The following STXBP5L variants were observed in gnomAD, a reference collection of about 807,000 sequenced individuals.
STXBP5L encodes syntaxin-binding protein 5-like.
STXBP5L carries 65 observed loss-of-function variants against 144.5 expected under a neutral mutation model. The ratio of observed to expected loss-of-function variants is 0.45; its 90% CI spans 0.37 to 0.55. The LOEUF is 0.55. Among genes scored for constraint, STXBP5L ranks in the 20% least tolerant of loss-of-function variants. The pLI is 0.00. For synonymous variants in STXBP5L, 505 were observed against 469.6 expected, an observed-to-expected ratio of 1.08 and a Z score of -0.97; for missense variants, 1,298 against 1,405.5, an observed-to-expected ratio of 0.92 and a Z score of 1.22.
At chr3:120,957,422 G>A (rs1288314495) in intron 3 of STXBP5L, among the ~76,000 whole-genome samples, 2 of 151,870 alleles carry the variant, frequency 1.3e-5, no homozygotes, top group Admixed American at 6.6e-5. Flanking sequence ...TAAAAAATAT[G>A]TTGTCTTGTT....
At chr3:121,075,545 A>G (rs777778115) in intron 5 of STXBP5L, among the ~76,000 whole-genome samples, 4 of 152,170 alleles carry the variant, frequency 2.6e-5, no homozygotes, top group Admixed American at 6.5e-5. Context: ...CTTTAGCTTT[A>G]TGTCTTCTTG....
chr3:121,054,437 G>C (rs1948291503), intron 5 of STXBP5L, among the ~76,000 whole-genome samples: 1 of 152,062 alleles, frequency 6.6e-6, no homozygotes. Flanking sequence ...CATGTCCTTT[G>C]TAGGGACATG....
At chr3:120,951,712 G>A (rs563889978) in intron 2 of STXBP5L, among the ~76,000 whole-genome samples, 19,733 of 151,752 alleles carry the variant, frequency 0.13, 1,606 homozygotes, top group Non-Finnish European at 0.19. Flanking sequence ...TGTTGGGACT[G>A]TAAACTAGTT....
At chr3:121,363,894 T>G (rs1576291237) in intron 20 of STXBP5L, among the ~76,000 whole-genome samples, 1 of 152,146 alleles carries the variant, frequency 6.6e-6, no homozygotes, top group Non-Finnish European at 1.5e-5. Context: ...ATTTTGTTAT[T>G]GTTGAGTTTT....
chr3:121,340,185 G>A (rs140224136), intron 20 of STXBP5L, among the ~76,000 whole-genome samples: 49 of 152,182 alleles, frequency 3.2e-4, no homozygotes, highest in African/African-American at 9.6e-4. Context: ...AGAACAAGAT[G>A]TTACTGGTAT....
chr3:121,385,622 A>G (rs2046409957), intron 22 of STXBP5L, among the ~76,000 whole-genome samples: 1 of 152,152 alleles, frequency 6.6e-6, no homozygotes, highest in Admixed American at 6.5e-5. Context: ...AATGTAATTA[A>G]TAGCCATCAT....
intron 20 of STXBP5L, among the ~76,000 whole-genome samples, chr3:121,367,592 CTT>C (rs1341764867): frequency 1.7e-5 from 1 of 59,138 alleles, no homozygotes; most frequent in African/African-American, 6.4e-5. Flanking sequence ...GTCTTCGACT[CTT>C]GTTTTTTTTT....
chr3:121,235,626 A>T (rs1174590926), intron 12 of STXBP5L, among the ~76,000 whole-genome samples: 3 of 152,130 alleles, frequency 2.0e-5, no homozygotes, highest in Admixed American at 6.6e-5. Context: ...TCTTAGAAAT[A>T]TTAATAATTT....
chr3:121,091,910 T>A (rs1382457964), intron 5 of STXBP5L, among the ~76,000 whole-genome samples: 1 of 152,154 alleles, frequency 6.6e-6, no homozygotes, highest in East Asian at 1.9e-4. Flanking sequence ...TGGTTTTAGG[T>A]CTAACATTTA....
At position 121,045,385 on chromosome 3, in the gene STXBP5L, A is replaced by C. The variant is rs751917979; in HGVS notation, c.370-50A>C. 1.1e-5 allele frequency: 17 copies of C among 1,523,332 alleles called. No individual in the cohort carries two copies. The East Asian group carries it at 3.5e-4, about 31-fold the overall frequency. 94.4% of individuals were successfully genotyped at this position (1,523,332 alleles called of 1,614,324 possible). ...AATTAGCTTGTTTGTGATTAAAAAA[A>C]CCCTAAATTAAGTAAATCACACACT... is the stretch of plus-strand genomic sequence containing the variant. On this transcript the variant is annotated intron_variant, in intron 4 of 26. Transcript: ENST00000471454.
At chr3:121,211,581 T>TTA (rs1553740393) in intron 10 of STXBP5L, among the ~76,000 whole-genome samples, 2 of 140,536 alleles carry the variant, frequency 1.4e-5, no homozygotes, top group African/African-American at 5.3e-5. Context: ...TTTCTTTCTT[T>TTA]TTTTTTTTTT....
chr3:121,229,961 C>G (rs1002402274), intron 11 of STXBP5L, among the ~76,000 whole-genome samples: 1 of 152,096 alleles, frequency 6.6e-6, no homozygotes, highest in Non-Finnish European at 1.5e-5. Context: ...ATTTAAGAAG[C>G]CAAGGACAAC....
At chr3:121,171,072 CAG>C (rs756880996) in intron 9 of STXBP5L, among the ~76,000 whole-genome samples, 48 of 152,262 alleles carry the variant, frequency 3.2e-4, no homozygotes, top group Non-Finnish European at 6.9e-4. Flanking sequence ...ATCACATAAA[CAG>C]AATCAATGAG....
chr3:120,958,848 A>C (rs1938369602), intron 3 of STXBP5L, among the ~76,000 whole-genome samples: 1 of 152,206 alleles, frequency 6.6e-6, no homozygotes, highest in African/African-American at 2.4e-5. Context: ...CTGGCACAAG[A>C]CAGGGATGCC....
chr3:120,936,000 A>T (rs1710246143), intron 2 of STXBP5L, among the ~76,000 whole-genome samples: 1 of 151,918 alleles, frequency 6.6e-6, no homozygotes, highest in Admixed American at 6.6e-5. Flanking sequence ...CATTATGTGT[A>T]TTTACATTTT....
intron 3 of STXBP5L, among the ~76,000 whole-genome samples, chr3:121,034,121 C>A (rs1403466130): frequency 6.6e-6 from 1 of 151,820 alleles, no homozygotes; most frequent in Admixed American, 6.6e-5. Context: ...AACATAAAAC[C>A]ATTGTTTTCT....
At chr3:120,939,467 G>A (rs893907524) in intron 2 of STXBP5L, among the ~76,000 whole-genome samples, 1 of 152,046 alleles carries the variant, frequency 6.6e-6, no homozygotes, top group African/African-American at 2.4e-5. Context: ...CCCCTCCCCT[G>A]TCTACTACTG....
At chr3:121,126,934 G>A (rs76598796) in intron 7 of STXBP5L, among the ~76,000 whole-genome samples, 246 of 152,166 alleles carry the variant, frequency 1.6e-3, no homozygotes, top group Non-Finnish European at 2.2e-3. Context: ...CTCTTCTTCC[G>A]CAATTGTGCC....
chr3:121,013,565 T>G (rs1483676204), intron 3 of STXBP5L, among the ~76,000 whole-genome samples: 1 of 151,914 alleles, frequency 6.6e-6, no homozygotes, highest in African/African-American at 2.4e-5. Flanking sequence ...GTTTTGGGTA[T>G]TAGTCCTTTG....
Sources: gnomAD v4.1 joint callset for allele counts (sites outside exome capture counted in the v4.1 genomes callset) on GRCh38, gnomAD v4.1.1 for gene constraint, MANE v1.5 for transcripts, NCBI Gene and HGNC (gene_info 2026-07-23, HGNC 2026-07-21) for gene names.